Variants in STXBP4 observed in about 807,000 individuals in gnomAD.
The protein encoded by STXBP4 is syntaxin binding protein 4.
Under a neutral mutation model 76.1 loss-of-function variants are expected in STXBP4, and 55 were observed. The observed-to-expected ratio is 0.72, with a 90% confidence interval of 0.58 to 0.91. The LOEUF (loss-of-function observed/expected upper bound fraction) is 0.91, where lower values mean the gene tolerates loss of function less well. Ranked by LOEUF, STXBP4 falls within the 40% of genes least tolerant of loss-of-function variation. The pLI is 0.00. For synonymous variants in STXBP4, 201 were observed against 220.2 expected (o/e 0.91, Z 0.77); for missense variants, 618 against 636.9 (o/e 0.97, Z 0.32).
chr17:54,987,965 C>T (rs1598160747), intron 3 of STXBP4, among the ~76,000 whole-genome samples: 1 of 151,888 alleles, frequency 6.6e-6, no homozygotes, highest in African/African-American at 2.4e-5. Flanking sequence ...TTGAGCAGAA[C>T]TATTTTTAAT....
At chr17:54,998,929 G>A (rs1255772984) in intron 4 of STXBP4, among the ~76,000 whole-genome samples, 1 of 151,990 alleles carries the variant, frequency 6.6e-6, no homozygotes, top group African/African-American at 2.4e-5. Flanking sequence ...TTTGGTGGGA[G>A]GACATATGTA....
chr17:55,139,834 T>C (rs967726148), intron 16 of STXBP4, among the ~76,000 whole-genome samples: 44 of 152,240 alleles, frequency 2.9e-4, no homozygotes, highest in Middle Eastern at 6.8e-3. Context: ...ACAAAGGAAA[T>C]AGTTACAGAA....
In STXBP4 at chr17:55,129,180, G is replaced by A. The variant is rs541965197; in HGVS notation, c.1490-12130G>A. Among the ~76,000 whole-genome samples, 575 of 152,022 alleles carry A rather than the reference G, an allele frequency of 3.8e-3. 3 individuals are homozygous for A. The highest frequency in any genetic ancestry group is 6.0e-3 in the Non-Finnish European group (408 of 67,938). ...CTTCACCTTGTGATCCGCCCGCCTCGGCCTCCCAAAGGGCTGGGATTATAG... is the reference window on the plus strand; with the variant it reads ...CTTCACCTTGTGATCCGCCCGCCTCAGCCTCCCAAAGGGCTGGGATTATAG... On this transcript the variant is annotated intron_variant, in intron 16 of 17. Coordinates refer to ENST00000376352, the MANE Select transcript of STXBP4 (RefSeq NM_178509.6).
At chr17:55,054,463 G>A (rs936934785) in intron 12 of STXBP4, among the ~76,000 whole-genome samples, 3 of 152,082 alleles carry the variant, frequency 2.0e-5, no homozygotes, top group African/African-American at 7.2e-5. Context: ...TCCAGCCTGG[G>A]TAATAGAGTG....
chr17:54,997,600 T>G (rs28672112), intron 4 of STXBP4, among the ~76,000 whole-genome samples: 5 of 140,534 alleles, frequency 3.6e-5, no homozygotes, highest in Non-Finnish European at 6.1e-5. Flanking sequence ...TTTATATATT[T>G]TATATATATA....
At chr17:55,200,322 C>A in the STXBP4 span, among the ~76,000 whole-genome samples, 3 of 152,286 alleles carry the variant, frequency 2.0e-5, no homozygotes, top group African/African-American at 7.2e-5. Context: ...GAACAGACAT[C>A]ATTCTCTTCT....
chr17:55,063,175 TTAGA>T (rs2079014202), intron 12 of STXBP4, among the ~76,000 whole-genome samples: 4 of 152,310 alleles, frequency 2.6e-5, no homozygotes, highest in Admixed American at 2.6e-4. Flanking sequence ...TAGTGATTCA[TTAGA>T]GGTGAATGTA....
intron 8 of STXBP4, among the ~76,000 whole-genome samples, chr17:55,015,468 T>C (rs1244067490): frequency 6.6e-6 from 1 of 152,240 alleles, no homozygotes; most frequent in African/African-American, 2.4e-5. Context: ...GTGTCTGATT[T>C]AGCAGTAACA....
chr17:55,011,502 C>CTTTTTATTT (rs796486777), intron 8 of STXBP4, among the ~76,000 whole-genome samples: 2 of 34,284 alleles, frequency 5.8e-5, no homozygotes, highest in African/African-American at 1.7e-4. Context: ...AGTTTATTTT[C>CTTTTTATTT]TTTTTCTTTT....
At chr17:54,984,339 CTTTT>C (rs60222961) in intron 1 of STXBP4, among the ~76,000 whole-genome samples, 18 of 81,200 alleles carry the variant, frequency 2.2e-4, no homozygotes, top group African/African-American at 5.7e-4. Flanking sequence ...TTTCTTTTTT[CTTTT>C]TTTTTTTTTT....
At chr17:55,141,821 G>A (rs1208416607) in intron 17 of STXBP4, among the ~76,000 whole-genome samples, 7 of 152,080 alleles carry the variant, frequency 4.6e-5, no homozygotes, top group Admixed American at 3.3e-4. Flanking sequence ...AGTGTTCCAC[G>A]CCCTGCAGAT....
chr17:55,159,793 C>G lies in STXBP4; in HGVS notation c.1548-4C>G, dbSNP rs760687902. On this transcript the variant is annotated splice_region_variant and splice_polypyrimidine_tract_variant and intron_variant, in intron 17 of 17. Transcript: ENST00000376352. ...ATTCTAATTGCATTCTTGTTCTTCT[C>G]AAGTCATGTAACACAGACTACATCC... The G allele has an allele frequency of 6.3e-7, 1 of 1,585,762 alleles. No homozygotes were observed. The highest frequency in any genetic ancestry group is 8.7e-7 in the Non-Finnish European group (1 of 1,155,304).
intron 16 of STXBP4, among the ~76,000 whole-genome samples, chr17:55,109,420 A>G (rs930068602): frequency 1.2e-4 from 18 of 152,092 alleles, no homozygotes; most frequent in African/African-American, 4.1e-4. Flanking sequence ...TATGATTGGT[A>G]TGATAGTAGA....
intron 16 of STXBP4, among the ~76,000 whole-genome samples, chr17:55,116,159 CAAAG>C (rs1418682211): frequency 6.6e-6 from 1 of 151,688 alleles, no homozygotes; most frequent in African/African-American, 2.4e-5. Context: ...TTTTAATACT[CAAAG>C]GAAATATCGC....
intron 8 of STXBP4, among the ~76,000 whole-genome samples, chr17:55,015,546 G>A (rs2078192393): frequency 6.6e-6 from 1 of 152,026 alleles, no homozygotes; most frequent in African/African-American, 2.4e-5. Flanking sequence ...AGCCATCAGG[G>A]TTATATGAGA....
At chr17:55,207,711 G>A in the STXBP4 span, among the ~76,000 whole-genome samples, 23 of 152,236 alleles carry the variant, frequency 1.5e-4, no homozygotes, top group South Asian at 4.2e-4. Flanking sequence ...AATTTAATGC[G>A]TTGACTGCAA....
intron 1 of STXBP4, among the ~76,000 whole-genome samples, chr17:54,985,185 A>G (rs1278999535): frequency 6.6e-6 from 1 of 152,190 alleles, no homozygotes; most frequent in Non-Finnish European, 1.5e-5. Flanking sequence ...CCATTTGTGA[A>G]ATCATCGCCA....
chr17:55,049,198 A>G (rs573358761), intron 12 of STXBP4, among the ~76,000 whole-genome samples: 2 of 152,162 alleles, frequency 1.3e-5, no homozygotes, highest in East Asian at 1.9e-4. Context: ...AGTTTGTGAT[A>G]TACCAGTACT....
chr17:54,999,705 A>C lies in STXBP4; in HGVS notation c.361A>C (p.Thr121Pro). 1 of 1,613,824 alleles carries C rather than the reference A, an allele frequency of 6.2e-7. No homozygotes were observed. Among genetic ancestry groups the C allele is most frequent in the Non-Finnish European group, 8.5e-7 (1 of 1,179,838 alleles). ...DNIQPENLSCTSLIEASGEYG... is the reference protein window; with the variant it reads ...DNIQPENLSCPSLIEASGEYG... ...CATTCAGCCAGAAAATCTGTCATGT[A>C]CATCACTTATAGAAGCTTCAGGAGA... The change falls in exon 6 of 18, where the codon ACA becomes CCA. Residue 121 changes from threonine (T) to proline (P), a missense_variant. Coordinates refer to ENST00000376352, the MANE Select transcript of STXBP4 (RefSeq NM_178509.6).
Sources: allele counts gnomAD v4.1 joint callset (sites outside exome capture counted in the v4.1 genomes callset), GRCh38; gene constraint gnomAD v4.1.1; transcripts MANE v1.5; gene names NCBI Gene and HGNC (gene_info 2026-07-23, HGNC 2026-07-21).